Variants in SYT16 observed in about 807,000 individuals in gnomAD.
SYT16 encodes the protein synaptotagmin-16.
Under a neutral mutation model 61.4 loss-of-function variants are expected in SYT16, and 42 were observed. That is an observed-to-expected ratio of 0.68 (90% CI 0.53 to 0.89). SYT16 has a LOEUF of 0.89. Ranked by LOEUF, SYT16 falls within the 40% of genes least tolerant of loss-of-function variation. The probability of loss-of-function intolerance (pLI) is 0.00; values close to 1 mark genes in which losing one functional copy is unlikely to be tolerated. For synonymous variants in SYT16, 314 were observed against 302.3 expected (o/e 1.04, Z -0.40); for missense variants, 804 against 807.3 (o/e 1.00, Z 0.05).
intron 3 of SYT16, among the ~76,000 whole-genome samples, chr14:62,010,598 C>T (rs556723354): frequency 2.6e-5 from 4 of 152,096 alleles, no homozygotes; most frequent in African/African-American, 9.7e-5. Context: ...TTCTGCTATC[C>T]TAGAAATTTC....
chr14:61,949,918 A>G (rs1440089026), intron 1 of SYT16, among the ~76,000 whole-genome samples: 2 of 152,188 alleles, frequency 1.3e-5, no homozygotes, highest in Non-Finnish European at 2.9e-5. Context: ...AGACTTTGTA[A>G]CACGGTGCCT....
chr14:61,841,894 A>G (rs1333891685), intron 1 of SYT16, among the ~76,000 whole-genome samples: 1 of 152,140 alleles, frequency 6.6e-6, no homozygotes. Context: ...TATCTATGCC[A>G]TATTTTCTTT....
At chr14:62,078,934 C>T (rs1410328908) in intron 5 of SYT16, among the ~76,000 whole-genome samples, 1 of 152,030 alleles carries the variant, frequency 6.6e-6, no homozygotes, top group Non-Finnish European at 1.5e-5. Flanking sequence ...GAGTTAAGGC[C>T]AAGAAGATCT....
chr14:62,074,384 C>A (rs1390099258), intron 4 of SYT16, among the ~76,000 whole-genome samples: 1 of 152,082 alleles, frequency 6.6e-6, no homozygotes, highest in Non-Finnish European at 1.5e-5. Flanking sequence ...TTTCATAAAC[C>A]AGTGAGACCA....
intron 3 of SYT16, among the ~76,000 whole-genome samples, chr14:62,011,894 CACACACACACATATATAT>C (rs1181395822): frequency 3.8e-5 from 5 of 129,952 alleles, no homozygotes; most frequent in Non-Finnish European, 4.7e-5. Flanking sequence ...CACACACACA[CACACACACACATATATAT>C]ACACACACAC....
At chr14:61,890,405 C>T (rs2048077359) in intron 1 of SYT16, among the ~76,000 whole-genome samples, 1 of 151,760 alleles carries the variant, frequency 6.6e-6, no homozygotes, top group Non-Finnish European at 1.5e-5. Flanking sequence ...GGTTCACTGA[C>T]CCAACCAAAG....
Position 62,036,433 on chromosome 14 carries a change from G to T in SYT16, c.524-33170G>T, listed in dbSNP as rs76618331. On this transcript the variant is annotated intron_variant, in intron 3 of 7. Coordinates refer to ENST00000683842, the MANE Select transcript of SYT16 (RefSeq NM_001367656.1). Reference sequence around the variant, plus strand: ...GAGAGAGGGATGGAGAAGCTGCCCTGCTGGCCATCAGTATGGAGGTGGGAG... The same window carrying T: ...GAGAGAGGGATGGAGAAGCTGCCCTTCTGGCCATCAGTATGGAGGTGGGAG... Among the ~76,000 whole-genome samples the T allele has an allele frequency of 2.6e-3, 394 of 152,252 alleles. 1 individual carries two copies. The highest frequency in any genetic ancestry group is 4.6e-3 in the Non-Finnish European group (310 of 68,004).
intron 1 of SYT16, among the ~76,000 whole-genome samples, chr14:61,839,033 C>T (rs72716763): frequency 0.079 from 11,788 of 149,780 alleles, 530 homozygotes; most frequent in Non-Finnish European, 0.1. Flanking sequence ...AAGATGACCT[C>T]GCAGCCACAA....
chr14:62,019,376 G>C (rs1595172151), intron 3 of SYT16, among the ~76,000 whole-genome samples: 1 of 152,136 alleles, frequency 6.6e-6, no homozygotes, highest in East Asian at 1.9e-4. Flanking sequence ...GAGCGTGTGT[G>C]TGAAGACCCT....
intron 3 of SYT16, among the ~76,000 whole-genome samples, chr14:62,011,122 A>G (rs1343265740): frequency 6.6e-6 from 1 of 152,202 alleles, no homozygotes; most frequent in Non-Finnish European, 1.5e-5. Flanking sequence ...ACTAAACTCA[A>G]ATTAGGAATT....
chr14:61,825,504 G>T (rs1287647421), intron 1 of SYT16, among the ~76,000 whole-genome samples: 2 of 152,126 alleles, frequency 1.3e-5, no homozygotes, highest in Non-Finnish European at 2.9e-5. Context: ...CACATAGCAA[G>T]ACCTCGTCTC....
chr14:62,000,825 CT>C (rs1177727087), intron 3 of SYT16, among the ~76,000 whole-genome samples: 1 of 152,042 alleles, frequency 6.6e-6, no homozygotes, highest in Non-Finnish European at 1.5e-5. Context: ...ATACTCAATT[CT>C]TCCTGCTTAT....
At chr14:62,058,704 T>G (rs2055681833) in intron 3 of SYT16, among the ~76,000 whole-genome samples, 1 of 152,088 alleles carries the variant, frequency 6.6e-6, no homozygotes, top group Non-Finnish European at 1.5e-5. Context: ...CAAAAGTAGT[T>G]TTATCATTTT....
chr14:62,061,985 G>T (rs1367119074), intron 3 of SYT16, among the ~76,000 whole-genome samples: 9 of 152,058 alleles, frequency 5.9e-5, no homozygotes, highest in African/African-American at 1.9e-4. Context: ...ACTTGTAGAG[G>T]GGTTAGTTTG....
intron 1 of SYT16, among the ~76,000 whole-genome samples, chr14:61,921,191 A>G (rs2049321727): frequency 6.6e-6 from 1 of 152,172 alleles, no homozygotes; most frequent in South Asian, 2.1e-4. Context: ...AGCCTTGAAA[A>G]ACAGAGCTTG....
intron 1 of SYT16, among the ~76,000 whole-genome samples, chr14:61,908,938 C>G (rs9323377): frequency 0.17 from 26,430 of 152,098 alleles, 2,726 homozygotes; most frequent in East Asian, 0.33. Context: ...TCCTCCCACC[C>G]CAGCTTCCCA....
At chr14:61,817,197 G>A (rs1286783308) in intron 1 of SYT16, among the ~76,000 whole-genome samples, 33 of 151,472 alleles carry the variant, frequency 2.2e-4, no homozygotes, top group African/African-American at 7.3e-4. Context: ...CGGGTGGATC[G>A]CCTGAGGTCA....
chr14:61,961,990 A>G (rs1191412549), intron 1 of SYT16, among the ~76,000 whole-genome samples: 2 of 152,172 alleles, frequency 1.3e-5, no homozygotes, highest in Admixed American at 1.3e-4. Flanking sequence ...GCTGGAGGCC[A>G]TTATCCTAAG....
chr14:61,874,685 A>T (rs1054761564), intron 1 of SYT16, among the ~76,000 whole-genome samples: 2 of 152,164 alleles, frequency 1.3e-5, no homozygotes, highest in Admixed American at 6.5e-5. Flanking sequence ...TCTCTGTAGT[A>T]TCCAAACTGA....
Sources: allele counts gnomAD v4.1 joint callset (sites outside exome capture counted in the v4.1 genomes callset), GRCh38; gene constraint gnomAD v4.1.1; transcripts MANE v1.5; gene names NCBI Gene and HGNC (gene_info 2026-07-23, HGNC 2026-07-21).